The following VMA22 variants were observed in gnomAD, a reference collection of about 807,000 sequenced individuals.
VMA22 encodes the protein vacuolar ATPase assembly protein VMA22.
the VMA22 span, chr2:130,341,165 T>TG: frequency 3.3e-6 from 4 of 1,199,214 alleles, no homozygotes; most frequent in Non-Finnish European, 4.5e-6. Context: ...AATTCCAACT[T>TG]TGGGGTTCCA....
the VMA22 span, chr2:130,339,632 C>A: frequency 7.7e-7 from 1 of 1,305,306 alleles, no homozygotes; most frequent in Non-Finnish European, 1.0e-6. Context: ...TTGCTGATGT[C>A]TCTGCTGGAA....
At chr2:130,339,023 G>T in the VMA22 span, 3 of 855,536 alleles carry the variant, frequency 3.5e-6, no homozygotes, top group East Asian at 2.6e-5. Flanking sequence ...CTGGCGTGGG[G>T]TAGGGGCAAG....
At chr2:130,339,948 G>C in the VMA22 span, 1 of 738,710 alleles carries the variant, frequency 1.4e-6, no homozygotes, top group Non-Finnish European at 1.9e-6. Flanking sequence ...TCTCTCTCCA[G>C]CCCAGGCCTC....
At chr2:130,340,868 G>T in the VMA22 span, 1 of 1,612,868 alleles carries the variant, frequency 6.2e-7, no homozygotes, top group Non-Finnish European at 8.5e-7. Flanking sequence ...GTGGATAGAG[G>T]GTCTGAGGGC....
chr2:130,341,560 C>T, the VMA22 span: 14 of 922,454 alleles, frequency 1.5e-5, no homozygotes, highest in Non-Finnish European at 2.2e-5. Context: ...TTCTTCTGCT[C>T]TGGGATGCTC....
chr2:130,342,366 CTGT>C, the VMA22 span: 1 of 694,590 alleles, frequency 1.4e-6, no homozygotes, highest in Non-Finnish European at 2.4e-6. Flanking sequence ...GCCTGCTGAA[CTGT>C]CGGCTAGGGT....
At chr2:130,342,465 C>G in the VMA22 span, 24 of 533,352 alleles carry the variant, frequency 4.5e-5, no homozygotes, top group East Asian at 6.8e-4. Flanking sequence ...CGAAGCTCTA[C>G]AGAAACCATT....
chr2:130,338,947 C>T, the VMA22 span: 2 of 595,680 alleles, frequency 3.4e-6, no homozygotes, highest in Non-Finnish European at 3.0e-6. Flanking sequence ...TTACTGTTTG[C>T]CTCTTCAAAC....
At chr2:130,341,457 T>G in the VMA22 span, 1 of 581,484 alleles carries the variant, frequency 1.7e-6, no homozygotes, top group South Asian at 2.2e-5. Context: ...ATGTATGTGA[T>G]TGTAAATCTA....
the VMA22 span, chr2:130,341,005 T>C: frequency 1.2e-6 from 2 of 1,612,600 alleles, no homozygotes; most frequent in Non-Finnish European, 1.7e-6. Context: ...ACTCCGGTTC[T>C]GGGGTCTTAG....
the VMA22 span, chr2:130,342,088 A>G: frequency 6.2e-7 from 1 of 1,613,760 alleles, no homozygotes; most frequent in Non-Finnish European, 8.5e-7. Context: ...CTGCAGGACC[A>G]GCGAATCCAG....
chr2:130,341,803 C>CCCG, the VMA22 span: 1 of 455,598 alleles, frequency 2.2e-6, no homozygotes, highest in Non-Finnish European at 4.3e-6. Flanking sequence ...TAGAACGCGC[C>CCCG]CGCCCGCCCA....
chr2:130,342,281 G>A, the VMA22 span: 2 of 1,444,924 alleles, frequency 1.4e-6, no homozygotes, highest in African/African-American at 1.4e-5. Context: ...GCTTCTTTAA[G>A]GGCAAGCGCC....
At chr2:130,341,089 AT>A in the VMA22 span, 1 of 1,516,188 alleles carries the variant, frequency 6.6e-7, no homozygotes, top group Non-Finnish European at 8.8e-7. Flanking sequence ...CCTGACCTTT[AT>A]CATCTTGGTG....
At chr2:130,339,334 GC>G in the VMA22 span, 2 of 1,344,146 alleles carry the variant, frequency 1.5e-6, no homozygotes, top group Non-Finnish European at 2.0e-6. Context: ...AGGCCTCTCT[GC>G]CCCCCACACT....
At chr2:130,340,951 T>C in the VMA22 span, 2 of 1,614,000 alleles carry the variant, frequency 1.2e-6, no homozygotes, top group South Asian at 2.2e-5. Context: ...TGTGAGGAAC[T>C]AGGATTCCAA....
At chr2:130,339,291 G>A in the VMA22 span, 2 of 1,479,698 alleles carry the variant, frequency 1.4e-6, no homozygotes, top group Non-Finnish European at 1.9e-6. Flanking sequence ...GACCCAGGAG[G>A]ATCTGGATAT....
the VMA22 span, chr2:130,340,071 C>G: frequency 9.6e-6 from 2 of 208,720 alleles, no homozygotes; most frequent in Non-Finnish European, 2.0e-5. Context: ...TCTCAGCTGC[C>G]CACAGCAGGT....
At chr2:130,338,547 G>C in the VMA22 span, 2 of 152,230 alleles carry the variant, frequency 1.3e-5, no homozygotes, top group Admixed American at 1.3e-4. Flanking sequence ...GTAAGACAAA[G>C]AGACAGGATT....
Sources: allele counts gnomAD v4.1 joint callset, GRCh38; gene constraint gnomAD v4.1.1; transcripts MANE v1.5; gene names NCBI Gene and HGNC (gene_info 2026-07-23, HGNC 2026-07-21).